The following C12orf60 variants were observed in gnomAD, a reference collection of about 807,000 sequenced individuals.
C12orf60 encodes the protein chromosome 12 open reading frame 60, also known as uncharacterized protein C12orf60.
For synonymous variants in C12orf60, 102 were observed against 94.6 expected (o/e 1.08, Z -0.45); for missense variants, 284 against 283.2 (o/e 1.00, Z -0.02).
rs1950345170 is a variant in C12orf60 at position 14,823,914 on chromosome 12, G to T, written c.*241G>T. 1 of 303,044 alleles carries T rather than the reference G, an allele frequency of 3.3e-6. No individual in the cohort carries two copies. 18.8% of individuals were successfully genotyped at this position (303,044 alleles called of 1,614,324 possible). ...ATATATTGTTGAAAAAAACAAAGTG[G>T]TATTACATTTGAGGATGTTTCTAAA... On this transcript the variant is annotated 3_prime_UTR_variant, in exon 2 of 2. Coordinates refer to ENST00000330828, the MANE Select transcript of C12orf60 (RefSeq NM_175874.4).
In C12orf60 at chr12:14,803,742, T is replaced by C; in HGVS notation, c.-34T>C. 2.7e-6 allele frequency: 1 copy of C among 367,594 alleles called. No homozygotes were observed. The highest frequency in any genetic ancestry group is 4.8e-6 in the Non-Finnish European group (1 of 206,852). 22.8% of individuals were successfully genotyped at this position (367,594 alleles called of 1,614,324 possible). A position where few individuals can be genotyped will look rare whatever the true frequency, so the allele number is the denominator to read the frequency against. Reference sequence around the variant, plus strand: ...GTTGGAGGCATCTTGACTTAGTTGCTGGGAGCCTGGTACGTTGAGCCGTCC... The same window carrying C: ...GTTGGAGGCATCTTGACTTAGTTGCCGGGAGCCTGGTACGTTGAGCCGTCC... On this transcript the variant is annotated 5_prime_UTR_variant, in exon 1 of 2. Coordinates refer to ENST00000330828, the MANE Select transcript of C12orf60 (RefSeq NM_175874.4).
At chr12:14,807,952 G>A (rs1481783307) in intron 1 of C12orf60, among the ~76,000 whole-genome samples, 7 of 152,090 alleles carry the variant, frequency 4.6e-5, no homozygotes, top group Non-Finnish European at 8.8e-5. Flanking sequence ...AATAACTTGA[G>A]GCCAGGAGTT....
intron 1 of C12orf60, among the ~76,000 whole-genome samples, chr12:14,816,656 G>A (rs1950223243): frequency 6.6e-6 from 1 of 151,922 alleles, no homozygotes; most frequent in Non-Finnish European, 1.5e-5. Context: ...CATTGTCAAT[G>A]ACATTGTAAT....
In C12orf60 at chr12:14,823,291, A is replaced by G; in HGVS notation, c.356A>G (p.His119Arg). The G allele has an allele frequency of 1.2e-6, 2 of 1,614,134 alleles. No individual in the cohort carries two copies. Among genetic ancestry groups the G allele is most frequent in the African/African-American group, 1.3e-5 (1 of 75,048 alleles). Residue 119 changes from histidine (H) to arginine (R), a missense_variant, in exon 2 of 2, where the codon CAT (histidine) becomes CGT (arginine). Physicochemically the swap from His to Arg is conservative, Grantham distance 29. Transcript: ENST00000330828. ...GCTAAAGAAGTATTCAAAAGTGCCC[A>G]TACGCCAGTCATCATCTCTGTGCTA... ...QSAKEVFKSA[H>R]TPVIISVLNS...
At position 14,824,144 on chromosome 12, in the gene C12orf60, T is replaced by C. The variant is rs970453706; in HGVS notation, c.*471T>C. The C allele has an allele frequency of 3.9e-5, 6 of 152,520 alleles. No individual in the cohort carries two copies. Among genetic ancestry groups the C allele is most frequent in the Admixed American group, 2.0e-4 (3 of 15,312 alleles). The allele number at this position is 152,520 out of a possible 1,614,324, so 9.4% of individuals were successfully genotyped here. ...TCAGTACCTTGACGATCAGAAGCCA[T>C]CACTAAATATTTTAAATATGATTCA... On this transcript the variant is annotated 3_prime_UTR_variant, in exon 2 of 2. Coordinates refer to ENST00000330828, the MANE Select transcript of C12orf60 (RefSeq NM_175874.4).
intron 1 of C12orf60, among the ~76,000 whole-genome samples, chr12:14,808,525 T>C (rs1950089211): frequency 6.6e-6 from 1 of 152,230 alleles, no homozygotes; most frequent in South Asian, 2.1e-4. Context: ...CTTATTCTGC[T>C]TAAGGGGAAC....
chr12:14,817,961 T>C (rs1022984024), intron 1 of C12orf60, among the ~76,000 whole-genome samples: 2 of 152,194 alleles, frequency 1.3e-5, no homozygotes, highest in Non-Finnish European at 2.9e-5. Context: ...GGTAAAAGCA[T>C]TCCTATTTCT....
chr12:14,806,751 T>G, intron 1 of C12orf60: 5 of 1,441,912 alleles, frequency 3.5e-6, no homozygotes, highest in Non-Finnish European at 4.7e-6. Context: ...GTCTGCTAAC[T>G]GTGTAGAAGG....
chr12:14,812,804 C>G (rs1565681219), intron 1 of C12orf60, among the ~76,000 whole-genome samples: 1 of 151,580 alleles, frequency 6.6e-6, no homozygotes, highest in Non-Finnish European at 1.5e-5. Context: ...AGGTTTGTTC[C>G]CTGACTATAC....
At position 14,823,726 on chromosome 12, in the gene C12orf60, T is replaced by C. The variant is rs924500636; in HGVS notation, c.*53T>C. The C allele has an allele frequency of 7.5e-6, 11 of 1,470,090 alleles. No homozygotes were observed. The African/African-American group carries it at 1.4e-4, about 19-fold the overall frequency. 91.1% of individuals were successfully genotyped at this position (1,470,090 alleles called of 1,614,324 possible). A position where few individuals can be genotyped will look rare whatever the true frequency, so the allele number is the denominator to read the frequency against. The stretch of plus-strand genomic sequence containing the variant: ...CAGAAAACTACTTAAAATCTTATGG[T>C]TTTTCATAGTAGTTTCTAAGATCTT... On this transcript the variant is annotated 3_prime_UTR_variant, in exon 2 of 2. Coordinates refer to ENST00000330828, the MANE Select transcript of C12orf60 (RefSeq NM_175874.4).
chr12:14,811,043 T>C (rs2137264131), intron 1 of C12orf60, among the ~76,000 whole-genome samples: 1 of 152,354 alleles, frequency 6.6e-6, no homozygotes, highest in South Asian at 2.1e-4. Flanking sequence ...TTTCAAAGAT[T>C]GTAGCACCAA....
At chr12:14,813,201 T>G (rs1327919658) in intron 1 of C12orf60, among the ~76,000 whole-genome samples, 1 of 152,236 alleles carries the variant, frequency 6.6e-6, no homozygotes, top group Non-Finnish European at 1.5e-5. Context: ...AAGAAAAACG[T>G]GACCCTGTCT....
chr12:14,822,995 C>A lies in C12orf60; in HGVS notation c.60C>A (p.Phe20Leu). Residue 20 changes from phenylalanine (F) to leucine (L), a missense_variant, in exon 2 of 2, where the codon TTC becomes TTA. Phe to Leu is a conservative substitution (Grantham distance 22, BLOSUM62 0). Transcript: ENST00000330828. ...TGATTCAAGCTGCCAAAATGTTCTT[C>A]TTTCATGTACAAGATCTTGCTTCTG... The part of the protein sequence containing the change: ...ERLIQAAKMF[F>L]FHVQDLASVI... 6.2e-7 allele frequency: 1 copy of A among 1,609,052 alleles called. No homozygotes were observed.
Position 14,823,535 on chromosome 12 carries a change from C to CA in C12orf60, c.605dup (p.Asn202LysfsTer39). ...AGGATGTACTAAAAACTGAGGATTC[C>CA]AAAAATCCCACAAAGTCAGCAGCAG... On this transcript the variant is annotated frameshift_variant, in exon 2 of 2. Transcript: ENST00000330828. LOFTEE classifies it low-confidence loss of function (END_TRUNC). 2 of 1,613,662 alleles carry CA rather than the reference C, an allele frequency of 1.2e-6. No homozygotes were observed. The highest frequency in any genetic ancestry group is 1.7e-6 in the Non-Finnish European group (2 of 1,179,890).
At chr12:14,821,377 G>C (rs1950302666) in intron 1 of C12orf60, among the ~76,000 whole-genome samples, 1 of 152,118 alleles carries the variant, frequency 6.6e-6, no homozygotes, top group African/African-American at 2.4e-5. Flanking sequence ...CCCTCTGGGG[G>C]CTCTGAGGGA....
At chr12:14,816,027 A>G (rs1020079340) in intron 1 of C12orf60, among the ~76,000 whole-genome samples, 4 of 152,240 alleles carry the variant, frequency 2.6e-5, no homozygotes, top group Non-Finnish European at 5.9e-5. Context: ...TTTTTTCTGC[A>G]ATCAGTTTCT....
At chr12:14,819,699 T>G (rs1457399908) in intron 1 of C12orf60, among the ~76,000 whole-genome samples, 13 of 152,158 alleles carry the variant, frequency 8.5e-5, no homozygotes, top group Admixed American at 8.5e-4. Flanking sequence ...GCTAAGAATT[T>G]TTATTATTAA....
intron 1 of C12orf60, chr12:14,805,990 A>G: frequency 6.3e-7 from 1 of 1,584,040 alleles, no homozygotes; most frequent in Non-Finnish European, 8.6e-7. Context: ...TCAGTGGCAA[A>G]TAAAACGGCT....
intron 1 of C12orf60, among the ~76,000 whole-genome samples, chr12:14,815,775 G>A (rs572966884): frequency 1.2e-3 from 187 of 152,228 alleles, no homozygotes; most frequent in African/African-American, 4.1e-3. Flanking sequence ...TTTTGTTTCC[G>A]AAGAGGCTAT....
Sources: allele counts gnomAD v4.1 joint callset (sites outside exome capture counted in the v4.1 genomes callset), GRCh38; gene constraint gnomAD v4.1.1; transcripts MANE v1.5; gene names NCBI Gene and HGNC (gene_info 2026-07-23, HGNC 2026-07-21).